PMS1: variants seen among roughly 807,000 people sequenced by gnomAD.
PMS1 encodes PMS1 homolog 1, mismatch repair system component.
In PMS1, 79 loss-of-function variants were observed where a neutral mutation model predicts 93.1. The ratio of observed to expected loss-of-function variants is 0.85; its 90% CI spans 0.71 to 1.02. The LOEUF (loss-of-function observed/expected upper bound fraction) is 1.02. PMS1 is among the 50% of genes least tolerant of loss of function. The pLI, the probability that PMS1 is intolerant of heterozygous loss-of-function variation, is 0.00. For synonymous variants in PMS1, 335 were observed against 363.4 expected, an observed-to-expected ratio of 0.92 and a Z score of 0.89; for missense variants, 1,064 against 1,085.3, an observed-to-expected ratio of 0.98 and a Z score of 0.28.
chr2:189,797,261 G>A (rs2049442042), intron 3 of PMS1, among the ~76,000 whole-genome samples: 1 of 152,122 alleles, frequency 6.6e-6, no homozygotes, highest in Non-Finnish European at 1.5e-5. Context: ...AGGGCAGATT[G>A]GATTTAAGAA....
At chr2:189,871,518 C>T (rs1455048838) in intron 11 of PMS1, among the ~76,000 whole-genome samples, 1 of 152,170 alleles carries the variant, frequency 6.6e-6, no homozygotes, top group African/African-American at 2.4e-5. Context: ...CCAATAAATT[C>T]CTCAATATCA....
chr2:189,869,409 G>A lies in PMS1; in HGVS notation c.2473+1480G>A, dbSNP rs13395109. Among the ~76,000 whole-genome samples, 600 of 152,264 alleles carry A rather than the reference G, an allele frequency of 3.9e-3. 4 individuals are homozygous for A. Among genetic ancestry groups the A allele is most frequent in the African/African-American group, 0.014 (573 of 41,554 alleles). On this transcript the variant is annotated intron_variant, in intron 11 of 12. Transcript: ENST00000441310. Reference sequence around the variant, plus strand: ...GTCCCTGGCATCTTAAAATTTATGTGAAGTGAATTTACTTGAAGCAAGGGA... The same window carrying A: ...GTCCCTGGCATCTTAAAATTTATGTAAAGTGAATTTACTTGAAGCAAGGGA...
chr2:189,870,517 G>C (rs906194433), intron 11 of PMS1, among the ~76,000 whole-genome samples: 1 of 152,166 alleles, frequency 6.6e-6, no homozygotes, highest in Non-Finnish European at 1.5e-5. Context: ...TTGTTACATA[G>C]TTCCAATGTC....
At chr2:189,832,294 T>G (rs1381141086) in intron 5 of PMS1, among the ~76,000 whole-genome samples, 1 of 152,192 alleles carries the variant, frequency 6.6e-6, no homozygotes. Flanking sequence ...CTATAGGGTG[T>G]TCTATTAAAT....
At chr2:189,811,332 A>C (rs1314774858) in intron 4 of PMS1, among the ~76,000 whole-genome samples, 1 of 151,626 alleles carries the variant, frequency 6.6e-6, no homozygotes, top group Admixed American at 6.6e-5. Flanking sequence ...TCACACCTGT[A>C]ATCCTAGCAC....
At chr2:189,791,102 A>G (rs1214735545) in intron 1 of PMS1, among the ~76,000 whole-genome samples, 1 of 152,016 alleles carries the variant, frequency 6.6e-6, no homozygotes, top group Non-Finnish European at 1.5e-5. Context: ...TTGTGGCAGA[A>G]TATTGTGGAT....
chr2:189,786,691 A>ATT (rs1233594952), intron 1 of PMS1, among the ~76,000 whole-genome samples: 1 of 152,224 alleles, frequency 6.6e-6, no homozygotes, highest in African/African-American at 2.4e-5. Flanking sequence ...AGGATTAAAT[A>ATT]GGATAATATA....
intron 3 of PMS1, among the ~76,000 whole-genome samples, chr2:189,800,371 A>G (rs1488462233): frequency 6.6e-6 from 1 of 152,226 alleles, no homozygotes. Flanking sequence ...GCTAAGTTCA[A>G]TAGATAAGTT....
chr2:189,868,717 A>G (rs1050710752), intron 11 of PMS1, among the ~76,000 whole-genome samples: 7 of 152,220 alleles, frequency 4.6e-5, no homozygotes, highest in African/African-American at 1.7e-4. Context: ...CTTTACTGAG[A>G]TATGAAAATA....
At chr2:189,852,814 G>A (rs568226834) in intron 7 of PMS1, 37 bp downstream of exon 7, 1 of 1,371,378 alleles carries the variant, frequency 7.3e-7, no homozygotes, top group East Asian at 2.3e-5. Flanking sequence ...ATTTGAATTG[G>A]AAATTTGTCA....
intron 9 of PMS1, among the ~76,000 whole-genome samples, chr2:189,857,923 A>G (rs902657591): frequency 2.6e-5 from 4 of 152,100 alleles, no homozygotes; most frequent in African/African-American, 9.7e-5. Context: ...ACAGTATATG[A>G]GAAGGCCCAG....
chr2:189,790,625 A>G (rs2106207439), intron 1 of PMS1, among the ~76,000 whole-genome samples: 1 of 152,284 alleles, frequency 6.6e-6, no homozygotes, highest in East Asian at 1.9e-4. Flanking sequence ...TATTCATAGT[A>G]CCTACTTTCT....
chr2:189,829,016 C>A (rs2052691719), intron 5 of PMS1, among the ~76,000 whole-genome samples: 1 of 152,156 alleles, frequency 6.6e-6, no homozygotes. Flanking sequence ...TCCACCTCCC[C>A]TTTTACCTTT....
At chr2:189,860,787 A>G (rs1394242346) in intron 9 of PMS1, among the ~76,000 whole-genome samples, 1 of 66,554 alleles carries the variant, frequency 1.5e-5, no homozygotes, top group Non-Finnish European at 3.6e-5. Context: ...AAAATCTTCT[A>G]TATCTTTGAG....
chr2:189,828,203 C>T (rs1193901239), intron 5 of PMS1, among the ~76,000 whole-genome samples: 3 of 152,088 alleles, frequency 2.0e-5, no homozygotes, highest in Non-Finnish European at 2.9e-5. Flanking sequence ...GGATTACAGG[C>T]GTGAGCCACT....
Position 189,822,198 on chromosome 2 carries a change from G to C in PMS1, c.582+4018G>C, listed in dbSNP as rs141129068. On this transcript the variant is annotated intron_variant, in intron 5 of 12. Transcript: ENST00000441310. ...GGAGGCGGGGCTGGCGCTGAAGTCGGATCCGGATCCGTTGCTGTGCACCCT... is the reference window on the plus strand; with the variant it reads ...GGAGGCGGGGCTGGCGCTGAAGTCGCATCCGGATCCGTTGCTGTGCACCCT... 9.6e-3 allele frequency among the ~76,000 whole-genome samples: 1,462 copies of C among 152,302 alleles called. 11 individuals are homozygous for C. The highest frequency in any genetic ancestry group is 0.016 in the Non-Finnish European group (1,069 of 68,016).
chr2:189,830,113 T>C (rs994891308), intron 5 of PMS1, among the ~76,000 whole-genome samples: 1 of 152,164 alleles, frequency 6.6e-6, no homozygotes, highest in Non-Finnish European at 1.5e-5. Flanking sequence ...ATGGTAAATA[T>C]GTTAGGTTTT....
chr2:189,867,123 T>C (rs2056731241), intron 10 of PMS1, among the ~76,000 whole-genome samples: 1 of 152,174 alleles, frequency 6.6e-6, no homozygotes, highest in Non-Finnish European at 1.5e-5. Context: ...CACTCAAATA[T>C]TCATTGAAGG....
At chr2:189,802,950 C>G (rs930873105) in intron 3 of PMS1, among the ~76,000 whole-genome samples, 2 of 152,154 alleles carry the variant, frequency 1.3e-5, no homozygotes, top group Admixed American at 6.5e-5. Context: ...CAAGATCTCC[C>G]TGTTGCTAGG....
Sources: allele counts gnomAD v4.1 joint callset (sites outside exome capture counted in the v4.1 genomes callset), GRCh38; gene constraint gnomAD v4.1.1; transcripts MANE v1.5; gene names NCBI Gene and HGNC (gene_info 2026-07-23, HGNC 2026-07-21).